Variants in CDKAL1 observed in about 807,000 individuals in gnomAD.
CDKAL1 encodes CDKAL1 threonylcarbamoyladenosine tRNA methylthiotransferase.
In CDKAL1, 32 loss-of-function variants were observed where a neutral mutation model predicts 68.2. That is an observed-to-expected ratio of 0.47 (90% CI 0.35 to 0.63). The LOEUF is 0.63. CDKAL1 is among the 30% of genes least tolerant of loss of function. The pLI, the probability that CDKAL1 is intolerant of heterozygous loss-of-function variation, is 0.00. For missense variants in CDKAL1, 606 were observed against 696.7 expected, an observed-to-expected ratio of 0.87 and a Z score of 1.47; for synonymous variants, 234 against 244.3, an observed-to-expected ratio of 0.96 and a Z score of 0.39.
At chr6:21,099,392 A>G (rs1773471761) in intron 12 of CDKAL1, among the ~76,000 whole-genome samples, 1 of 152,178 alleles carries the variant, frequency 6.6e-6, no homozygotes, top group South Asian at 2.1e-4. Flanking sequence ...TGAATTTTAT[A>G]TAATTTTTAC....
intron 5 of CDKAL1, among the ~76,000 whole-genome samples, chr6:20,725,783 TAAAA>T (rs67587689): frequency 2.0e-5 from 2 of 99,084 alleles, no homozygotes; most frequent in Admixed American, 1.1e-4. Context: ...AAACTCCGTC[TAAAA>T]AAAAAAAAAA....
chr6:21,055,311 C>G (rs1582107414), intron 11 of CDKAL1, among the ~76,000 whole-genome samples: 1 of 151,888 alleles, frequency 6.6e-6, no homozygotes, highest in Non-Finnish European at 1.5e-5. Flanking sequence ...AGATATTGGT[C>G]TATAGTTTAA....
intron 12 of CDKAL1, among the ~76,000 whole-genome samples, chr6:21,097,050 C>T (rs1163187193): frequency 6.6e-6 from 1 of 152,190 alleles, no homozygotes; most frequent in Non-Finnish European, 1.5e-5. Flanking sequence ...TTCAGCAAGA[C>T]TTGGATTAAG....
At chr6:20,911,590 T>G (rs527831642) in intron 9 of CDKAL1, among the ~76,000 whole-genome samples, 2 of 152,340 alleles carry the variant, frequency 1.3e-5, no homozygotes, top group South Asian at 2.1e-4. Flanking sequence ...ACAGACATTC[T>G]TATTTATGCT....
chr6:21,123,193 A>G (rs1774816592), intron 13 of CDKAL1, among the ~76,000 whole-genome samples: 3 of 152,112 alleles, frequency 2.0e-5, no homozygotes, highest in Non-Finnish European at 4.4e-5. Flanking sequence ...GCATTGGGAT[A>G]CCTGTAATCC....
chr6:20,913,421 C>T (rs1350230398), intron 9 of CDKAL1, among the ~76,000 whole-genome samples: 1 of 152,138 alleles, frequency 6.6e-6, no homozygotes, highest in Non-Finnish European at 1.5e-5. Flanking sequence ...AGTTTGTGGG[C>T]CTCTCCAATA....
rs138438487 is a variant in CDKAL1 at position 20,996,910 on chromosome 6, G to A, written c.910-3317G>A. ...TCATTTGTTCCAGAAATTAAGGCAG[G>A]CTGATTAAATGCCTGTTTACCTACT... On this transcript the variant is annotated intron_variant, in intron 10 of 15. Coordinates refer to ENST00000274695, the MANE Select transcript of CDKAL1 (RefSeq NM_017774.3). 3.2e-3 allele frequency among the ~76,000 whole-genome samples: 485 copies of A among 152,274 alleles called. 5 individuals are homozygous for A. Among genetic ancestry groups the A allele is most frequent in the African/African-American group, 9.9e-3 (413 of 41,538 alleles).
At chr6:20,872,588 ACT>A in intron 9 of CDKAL1, among the ~76,000 whole-genome samples, 1 of 152,302 alleles carries the variant, frequency 6.6e-6, no homozygotes, top group East Asian at 1.9e-4. Context: ...GTCAGAGAAC[ACT>A]CTGCAGTCTG....
At chr6:20,896,245 C>T (rs953079988) in intron 9 of CDKAL1, among the ~76,000 whole-genome samples, 2 of 151,776 alleles carry the variant, frequency 1.3e-5, no homozygotes, top group Non-Finnish European at 2.9e-5. Context: ...AGACTACAGG[C>T]TCCGCCACCA....
intron 15 of CDKAL1, among the ~76,000 whole-genome samples, chr6:21,214,193 G>C (rs914432423): frequency 1.3e-5 from 2 of 152,080 alleles, no homozygotes; most frequent in Non-Finnish European, 2.9e-5. Context: ...AGTTCCTTAA[G>C]GGTTACAGAG....
chr6:20,886,380 C>T (rs1226957338), intron 9 of CDKAL1, among the ~76,000 whole-genome samples: 1 of 152,126 alleles, frequency 6.6e-6, no homozygotes, highest in African/African-American at 2.4e-5. Context: ...AGCAATTTCT[C>T]TCCTAGGTAT....
At chr6:20,601,099 C>T (rs982057286) in intron 4 of CDKAL1, among the ~76,000 whole-genome samples, 6 of 152,032 alleles carry the variant, frequency 3.9e-5, no homozygotes, top group African/African-American at 1.2e-4. Context: ...CTTTCTTCCT[C>T]GCTCTCTCTG....
At chr6:20,689,861 G>C (rs1770793210) in intron 5 of CDKAL1, among the ~76,000 whole-genome samples, 1 of 152,162 alleles carries the variant, frequency 6.6e-6, no homozygotes, top group Non-Finnish European at 1.5e-5. Context: ...AGAATTGAAT[G>C]ATAAGAAATT....
intron 9 of CDKAL1, among the ~76,000 whole-genome samples, chr6:20,952,859 T>C (rs527853054): frequency 6.6e-6 from 1 of 152,340 alleles, no homozygotes; most frequent in East Asian, 1.9e-4. Flanking sequence ...ATTCCACATT[T>C]AGCGTCACTT....
In CDKAL1 at chr6:21,053,526, A is replaced by G. The variant is rs142583524; in HGVS notation, c.1056-11522A>G. On this transcript the variant is annotated intron_variant, in intron 11 of 15. Transcript: ENST00000274695. The stretch of plus-strand genomic sequence containing the variant: ...GGTCACAGTAAGTGTATGTTTAACT[A>G]TTTAAGAAACTGTCAGACTGTTTTC... Among the ~76,000 whole-genome samples, 323 of 152,330 alleles carry G rather than the reference A, an allele frequency of 2.1e-3. 4 individuals carry two copies. Among genetic ancestry groups the G allele is most frequent in the African/African-American group, 6.8e-3 (283 of 41,572 alleles).
intron 9 of CDKAL1, among the ~76,000 whole-genome samples, chr6:20,918,454 TA>T (rs752938194): frequency 6.6e-6 from 1 of 152,232 alleles, no homozygotes; most frequent in Non-Finnish European, 1.5e-5. Flanking sequence ...AAGATATTTT[TA>T]TGAGTTTGTG....
At chr6:20,824,098 A>G (rs1777401039) in intron 8 of CDKAL1, among the ~76,000 whole-genome samples, 1 of 152,232 alleles carries the variant, frequency 6.6e-6, no homozygotes, top group East Asian at 1.9e-4. Context: ...TCAAGCATGG[A>G]TAGAACAACC....
At chr6:21,077,679 T>C (rs2150952573) in intron 12 of CDKAL1, among the ~76,000 whole-genome samples, 1 of 152,298 alleles carries the variant, frequency 6.6e-6, no homozygotes, top group Non-Finnish European at 1.5e-5. Flanking sequence ...CTCGCTATCA[T>C]GAGAACAGCA....
intron 5 of CDKAL1, among the ~76,000 whole-genome samples, chr6:20,658,778 A>G (rs1384729351): frequency 6.6e-6 from 1 of 152,134 alleles, no homozygotes; most frequent in African/African-American, 2.4e-5. Context: ...AACCACATTC[A>G]CTAGTAATTT....
Sources: allele counts gnomAD v4.1 joint callset (sites outside exome capture counted in the v4.1 genomes callset), GRCh38; gene constraint gnomAD v4.1.1; transcripts MANE v1.5; gene names NCBI Gene and HGNC (gene_info 2026-07-23, HGNC 2026-07-21).